Variants in PHTF2 observed in about 807,000 individuals in gnomAD.
PHTF2 encodes protein PHTF2.
A neutral mutation model predicts 101.2 loss-of-function variants in PHTF2; 60 were observed. The observed-to-expected ratio is 0.59, with a 90% CI of 0.48 to 0.73. PHTF2 has a LOEUF of 0.73. Among genes scored for constraint, PHTF2 ranks in the 30% least tolerant of loss-of-function variants. PHTF2 has a pLI of 0.00. For missense variants in PHTF2, 747 were observed against 908.7 expected (o/e 0.82, Z 2.29); for synonymous variants, 311 against 307.3 (o/e 1.01, Z -0.13).
chr7:77,896,816 G>A (rs1012782433), intron 5 of PHTF2, among the ~76,000 whole-genome samples: 10 of 152,166 alleles, frequency 6.6e-5, no homozygotes, highest in South Asian at 4.1e-4. Flanking sequence ...TGTACCAAAT[G>A]TATTGAGTTT....
chr7:77,942,743 C>T (rs1018484544), exon 16 of PHTF2: 1 of 1,602,962 alleles, frequency 6.2e-7, no homozygotes, highest in Non-Finnish European at 8.5e-7. Flanking sequence ...GTTTCATCTG[C>T]TTTCTTATTG....
Position 77,814,745 on chromosome 7 carries a change from C to T in PHTF2, c.-36+15774C>T, listed in dbSNP as rs544564532. ...CAGAATGGTCTCAATCTCCTGACCT[C>T]GTGAGCCACCGCGCCCGGTCTGGGG... On this transcript the variant is annotated intron_variant, in intron 1 of 19. Coordinates refer to ENST00000416283, the Ensembl canonical transcript of PHTF2. Among the ~76,000 whole-genome samples the T allele has an allele frequency of 4.6e-5, 7 of 152,030 alleles. No homozygotes were observed. In the South Asian group the frequency reaches 1.0e-3, roughly 23 times the overall value.
At chr7:77,827,674 G>A (rs1245453213) in intron 1 of PHTF2, among the ~76,000 whole-genome samples, 3 of 151,432 alleles carry the variant, frequency 2.0e-5, no homozygotes, top group African/African-American at 4.9e-5. Flanking sequence ...ATGGAGTTTC[G>A]CTGTTTCACC....
At position 77,840,239 on chromosome 7, in the gene PHTF2, T is replaced by A; in HGVS notation, c.-17T>A. On this transcript the variant is annotated 5_prime_UTR_variant, in exon 2 of 20. It removes the in-frame stop codon of an upstream open reading frame in the 5' UTR. Coordinates refer to ENST00000416283, the Ensembl canonical transcript of PHTF2. ...TGCACAGCCTAAAATGACCAATGTG[T>A]GATTTCAGTGGAATAAATGGCGTCC... is the stretch of plus-strand genomic sequence containing the variant. 6.3e-7 allele frequency: 1 copy of A among 1,595,330 alleles called. No homozygotes were observed. The highest frequency in any genetic ancestry group is 8.6e-7 in the Non-Finnish European group (1 of 1,163,112).
intron 3 of PHTF2, among the ~76,000 whole-genome samples, chr7:77,868,035 C>T (rs1798207957): frequency 6.6e-6 from 1 of 152,144 alleles, no homozygotes; most frequent in African/African-American, 2.4e-5. Flanking sequence ...TGTTAAGAAA[C>T]ATTTCCTTTT....
intron 2 of PHTF2, among the ~76,000 whole-genome samples, chr7:77,842,250 C>G (rs1175500819): frequency 6.6e-6 from 1 of 152,118 alleles, no homozygotes; most frequent in African/African-American, 2.4e-5. Flanking sequence ...TTAACACAGT[C>G]TGGAGTGCTG....
At chr7:77,952,646 C>G (rs1413893418) in intron 18 of PHTF2, among the ~76,000 whole-genome samples, 1 of 152,126 alleles carries the variant, frequency 6.6e-6, no homozygotes, top group Non-Finnish European at 1.5e-5. Flanking sequence ...TGTATATTGC[C>G]TATCTTCAGA....
intron 3 of PHTF2, among the ~76,000 whole-genome samples, chr7:77,886,294 C>T (rs1218367266): frequency 2.0e-5 from 3 of 152,082 alleles, no homozygotes; most frequent in Non-Finnish European, 4.4e-5. Flanking sequence ...CTAAGTGATA[C>T]GTTTCTCATT....
intron 1 of PHTF2, among the ~76,000 whole-genome samples, chr7:77,838,394 C>T (rs1476418669): frequency 6.6e-6 from 1 of 152,032 alleles, no homozygotes. Context: ...ACATTGTGAC[C>T]TTATGATAAT....
At chr7:77,937,570 GATAA>G (rs1232526231) in intron 12 of PHTF2, 136 bp from the exon 12 acceptor site, 12 of 325,694 alleles carry the variant, frequency 3.7e-5, no homozygotes, top group East Asian at 5.2e-5. Flanking sequence ...TATAAAACAT[GATAA>G]ATATATTCAC....
intron 1 of PHTF2, among the ~76,000 whole-genome samples, chr7:77,835,699 A>T (rs1795403854): frequency 1.3e-5 from 2 of 152,230 alleles, no homozygotes; most frequent in African/African-American, 4.8e-5. Flanking sequence ...AACTACTAAT[A>T]GCCTACTGTT....
At chr7:77,935,214 C>CTTTTT (rs1158677069) in intron 12 of PHTF2, among the ~76,000 whole-genome samples, 2 of 59,248 alleles carry the variant, frequency 3.4e-5, no homozygotes, top group African/African-American at 1.1e-4. Context: ...GTAATTTACC[C>CTTTTT]TTTTTTTTTT....
intron 19 of PHTF2, among the ~76,000 whole-genome samples, chr7:77,954,227 G>A (rs1486472634): frequency 1.3e-5 from 2 of 151,788 alleles, no homozygotes; most frequent in African/African-American, 4.8e-5. Context: ...TCTGCCTCCC[G>A]GGTTCAAGGA....
exon 20 of PHTF2, chr7:77,957,064 GA>G (rs1807025927): frequency 6.6e-6 from 1 of 152,262 alleles, no homozygotes; most frequent in South Asian, 2.1e-4. Flanking sequence ...AGAATACCAT[GA>G]ATGTAAGAAA....
intron 9 of PHTF2, 149 bp downstream of exon 8, chr7:77,910,558 G>A: frequency 1.7e-6 from 1 of 595,738 alleles, no homozygotes; most frequent in Non-Finnish European, 2.9e-6. Flanking sequence ...TATAGATAAT[G>A]GAAAAATAGA....
chr7:77,812,708 G>A (rs577145160), intron 1 of PHTF2, among the ~76,000 whole-genome samples: 8 of 151,736 alleles, frequency 5.3e-5, no homozygotes, highest in Non-Finnish European at 8.8e-5. Flanking sequence ...TCCTGCCTCA[G>A]CCTCCCAAGT....
intron 3 of PHTF2, among the ~76,000 whole-genome samples, chr7:77,870,696 T>A (rs1334370563): frequency 6.6e-6 from 1 of 152,180 alleles, no homozygotes; most frequent in Non-Finnish European, 1.5e-5. Flanking sequence ...TTGCACTCAG[T>A]ATTAAGCATC....
intron 12 of PHTF2, among the ~76,000 whole-genome samples, chr7:77,935,004 T>C (rs1804955640): frequency 6.6e-6 from 1 of 151,866 alleles, no homozygotes; most frequent in Admixed American, 6.6e-5. Flanking sequence ...GTGATAAAAT[T>C]ATAAAATGAA....
At chr7:77,919,066 G>A (rs1249486017) in intron 9 of PHTF2, among the ~76,000 whole-genome samples, 4 of 152,202 alleles carry the variant, frequency 2.6e-5, no homozygotes, top group African/African-American at 9.6e-5. Context: ...GTTTGAGGTA[G>A]TATGGAGAAT....
Sources: gnomAD v4.1 joint callset for allele counts (sites outside exome capture counted in the v4.1 genomes callset) on GRCh38, gnomAD v4.1.1 for gene constraint, MANE v1.5 for transcripts, NCBI Gene and HGNC (gene_info 2026-07-23, HGNC 2026-07-21) for gene names.